TTC17: variants seen among roughly 807,000 people sequenced by gnomAD.
TTC17 encodes tetratricopeptide repeat domain 17, also known as tetratricopeptide repeat protein 17.
In TTC17, 58 loss-of-function variants were observed where a neutral mutation model predicts 143.8. The ratio of observed to expected loss-of-function variants is 0.40; its 90% confidence interval spans 0.33 to 0.50. The LOEUF (loss-of-function observed/expected upper bound fraction) is 0.50, where lower values mean the gene tolerates loss of function less well. TTC17 is among the 20% of genes least tolerant of loss of function. The pLI is 0.49. For missense variants in TTC17, 1,273 were observed against 1,392.5 expected, an observed-to-expected ratio of 0.91 and a Z score of 1.37; for synonymous variants, 501 against 497.8, an observed-to-expected ratio of 1.01 and a Z score of -0.09.
chr11:43,390,076 G>A (rs1052094331), intron 3 of TTC17, among the ~76,000 whole-genome samples: 2 of 152,162 alleles, frequency 1.3e-5, no homozygotes, highest in Non-Finnish European at 1.5e-5. Context: ...TGAGGCCAAG[G>A]CGGGAAGATT....
chr11:43,413,003 C>T (rs1419214526), intron 15 of TTC17, among the ~76,000 whole-genome samples: 3 of 151,334 alleles, frequency 2.0e-5, no homozygotes, highest in Non-Finnish European at 4.4e-5. Flanking sequence ...CACACACACA[C>T]ACACACACAC....
intron 23 of TTC17, 113 bp from the exon 24 acceptor site, chr11:43,493,660 A>G: frequency 6.6e-7 from 1 of 1,510,314 alleles, no homozygotes; most frequent in Non-Finnish European, 9.1e-7. Flanking sequence ...CCGTTGAGCA[A>G]ATGCTGCGGG....
intron 15 of TTC17, among the ~76,000 whole-genome samples, chr11:43,408,027 T>A (rs1252295434): frequency 6.6e-6 from 1 of 152,180 alleles, no homozygotes; most frequent in East Asian, 1.9e-4. Context: ...ATACATTGAT[T>A]TTCATGCCCC....
chr11:43,368,869 T>C (rs927925412), intron 1 of TTC17, among the ~76,000 whole-genome samples: 15 of 152,346 alleles, frequency 9.8e-5, no homozygotes, highest in African/African-American at 3.6e-4. Context: ...CCACTTTCTT[T>C]CTTGTGTGGT....
At chr11:43,460,105 A>G (rs1947837693) in intron 21 of TTC17, among the ~76,000 whole-genome samples, 1 of 146,422 alleles carries the variant, frequency 6.8e-6, no homozygotes, top group African/African-American at 2.5e-5. Flanking sequence ...AACACCCTGG[A>G]TTTTTTTTTT....
In TTC17 at chr11:43,473,959, A is replaced by C. The variant is rs1448812733; in HGVS notation, c.3031-16280A>C. Among the ~76,000 whole-genome samples, 4 of 152,300 alleles carry C rather than the reference A, an allele frequency of 2.6e-5. No individual in the cohort carries two copies. The East Asian group carries it at 5.8e-4, about 22-fold the overall frequency. ...AACTGACTATATCTAGCAAAATTAT[A>C]CATTCATTTACCCTTTTAGCCAGCA... On this transcript the variant is annotated intron_variant, in intron 21 of 23. Transcript: ENST00000039989.
chr11:43,487,039 A>G (rs748502357), intron 21 of TTC17, among the ~76,000 whole-genome samples: 6 of 152,200 alleles, frequency 3.9e-5, no homozygotes, highest in Non-Finnish European at 8.8e-5. Context: ...ACAGAGCAAG[A>G]GCTGCCTCAG....
chr11:43,362,390 C>T (rs1470423599), intron 1 of TTC17, among the ~76,000 whole-genome samples: 1 of 152,044 alleles, frequency 6.6e-6, no homozygotes, highest in Non-Finnish European at 1.5e-5. Flanking sequence ...TTTTATATTT[C>T]AAGGTTTAGC....
intron 21 of TTC17, among the ~76,000 whole-genome samples, chr11:43,473,268 G>A (rs1166824155): frequency 6.6e-6 from 1 of 151,936 alleles, no homozygotes; most frequent in East Asian, 1.9e-4. Flanking sequence ...AAGCACAAAG[G>A]GAATTAGAAA....
At chr11:43,406,054 A>G (rs1858115690) in intron 13 of TTC17, 103 bp downstream of exon 13, 5 of 1,318,464 alleles carry the variant, frequency 3.8e-6, no homozygotes, top group Non-Finnish European at 4.1e-6. Context: ...GTTGAGCTTT[A>G]AGTGTATAAA....
intron 3 of TTC17, 87 bp downstream of exon 3, chr11:43,389,908 G>A: frequency 2.4e-6 from 3 of 1,249,842 alleles, no homozygotes; most frequent in Non-Finnish European, 2.2e-6. Flanking sequence ...TGTAATAAGG[G>A]TAAGCTTCAA....
intron 1 of TTC17, among the ~76,000 whole-genome samples, chr11:43,377,239 G>T (rs1856795020): frequency 6.6e-6 from 1 of 151,952 alleles, no homozygotes; most frequent in Non-Finnish European, 1.5e-5. Context: ...GTTGCAGTGA[G>T]TCGAGATCAC....
At chr11:43,459,947 C>T (rs532885610) in intron 21 of TTC17, among the ~76,000 whole-genome samples, 3 of 152,298 alleles carry the variant, frequency 2.0e-5, no homozygotes, top group South Asian at 2.1e-4. Context: ...TGGTAGGTTA[C>T]GTGTACTATT....
chr11:43,436,904 C>T (rs1292734904), intron 16 of TTC17, among the ~76,000 whole-genome samples: 1 of 152,090 alleles, frequency 6.6e-6, no homozygotes, highest in Non-Finnish European at 1.5e-5. Context: ...TTCTTCTATC[C>T]ACACATCATC....
At chr11:43,379,377 C>T (rs1303824231) in intron 2 of TTC17, 55 bp downstream of exon 2, 8 of 1,475,534 alleles carry the variant, frequency 5.4e-6, no homozygotes, top group Non-Finnish European at 7.4e-6. Context: ...TTCACAGGAG[C>T]CATTGTGTTC....
chr11:43,462,985 G>A (rs1947900047), intron 21 of TTC17, among the ~76,000 whole-genome samples: 2 of 138,990 alleles, frequency 1.4e-5, no homozygotes, highest in South Asian at 4.2e-4. Flanking sequence ...GTGCTATCTT[G>A]GCTCACTGCA....
At chr11:43,431,379 G>A (rs574825676) in intron 16 of TTC17, among the ~76,000 whole-genome samples, 3 of 152,032 alleles carry the variant, frequency 2.0e-5, no homozygotes, top group Non-Finnish European at 2.9e-5. Context: ...ACTAATTTAC[G>A]CTCCCACCAA....
chr11:43,448,071 A>G lies in TTC17; in HGVS notation c.2735A>G (p.Glu912Gly), dbSNP rs1947584434. ...PDECLKLRWV[E>G]LTAIVSTWLA... ...GAATGCCTCAAACTCCGCTGGGTAG[A>G]GCTGACTGCCATCGTGAGTACCTGG... The change falls in exon 19 of 24, where the codon GAG (glutamate) becomes GGG (glycine). Residue 912 changes from glutamate (E) to glycine (G), a missense_variant. By Grantham distance (98) the Glu-to-Gly change is moderately conservative. This residue lies in a region of TTC17 where 878 missense variants were observed against 899.8 expected (regional missense o/e 0.98). Transcript: ENST00000039989. 5 of 1,614,168 alleles carry G rather than the reference A, an allele frequency of 3.1e-6. No individual in the cohort carries two copies. Among genetic ancestry groups the G allele is most frequent in the Non-Finnish European group, 3.4e-6 (4 of 1,180,010 alleles).
chr11:43,438,220 C>T (rs906561234), intron 16 of TTC17, among the ~76,000 whole-genome samples: 3 of 152,284 alleles, frequency 2.0e-5, no homozygotes, highest in Non-Finnish European at 2.9e-5. Context: ...TGCAATGGCA[C>T]GATCTCGGCT....
Sources: allele counts gnomAD v4.1 joint callset (sites outside exome capture counted in the v4.1 genomes callset), GRCh38; gene constraint gnomAD v4.1.1; regional missense constraint gnomAD v4.1.1; transcripts MANE v1.5; gene names NCBI Gene and HGNC (gene_info 2026-07-23, HGNC 2026-07-21).